HELZ: variants seen among roughly 807,000 people sequenced by gnomAD.
The protein encoded by HELZ is helicase with zinc finger.
In HELZ, 23 loss-of-function variants were observed where a neutral mutation model predicts 218.2. That is an observed-to-expected ratio of 0.11 (90% CI 0.08 to 0.15). The LOEUF (loss-of-function observed/expected upper bound fraction) is 0.15, where lower values mean the gene tolerates loss of function less well. Ranked by LOEUF, HELZ falls within the 10% of genes least tolerant of loss-of-function variation. The pLI is 1.00. For synonymous variants in HELZ, 814 were observed against 829.4 expected, an observed-to-expected ratio of 0.98 and a Z score of 0.32; for missense variants, 1,813 against 2,353.7, an observed-to-expected ratio of 0.77 and a Z score of 4.75.
chr17:67,089,610 T>A (rs1048282875), intron 31 of HELZ, among the ~76,000 whole-genome samples: 3 of 146,966 alleles, frequency 2.0e-5, no homozygotes, highest in Admixed American at 6.8e-5. Flanking sequence ...AACTGGAAAA[T>A]TTTTTAATGC....
At chr17:67,159,792 G>A (rs2038946204) in intron 17 of HELZ, among the ~76,000 whole-genome samples, 1 of 152,018 alleles carries the variant, frequency 6.6e-6, no homozygotes, top group South Asian at 2.1e-4. Flanking sequence ...ACATTTTGTT[G>A]CAGAAATCAT....
At chr17:67,110,077 T>G (rs548248211) in intron 28 of HELZ, among the ~76,000 whole-genome samples, 32 of 147,628 alleles carry the variant, frequency 2.2e-4, no homozygotes, top group African/African-American at 4.4e-4. Context: ...TTTTGTTTTG[T>G]TTTTTTTTGA....
intron 9 of HELZ, among the ~76,000 whole-genome samples, chr17:67,193,640 C>G (rs749231898): frequency 6.6e-6 from 1 of 151,912 alleles, no homozygotes; most frequent in Non-Finnish European, 1.5e-5. Flanking sequence ...CACTTAAAGC[C>G]GGGAGGCAGA....
intron 9 of HELZ, among the ~76,000 whole-genome samples, chr17:67,191,006 C>T (rs1253764037): frequency 6.6e-6 from 1 of 152,148 alleles, no homozygotes; most frequent in Non-Finnish European, 1.5e-5. Context: ...CCACGCCCAG[C>T]CAGAGTAGGA....
intron 31 of HELZ, among the ~76,000 whole-genome samples, chr17:67,095,295 G>C (rs1187081160): frequency 6.6e-6 from 1 of 152,190 alleles, no homozygotes; most frequent in Non-Finnish European, 1.5e-5. Flanking sequence ...AACTTTGGGA[G>C]GCCAAGGTGG....
intron 26 of HELZ, among the ~76,000 whole-genome samples, chr17:67,121,076 C>T (rs138111390): frequency 4.4e-4 from 67 of 152,252 alleles, no homozygotes; most frequent in African/African-American, 1.5e-3. Context: ...AACTGGTATT[C>T]CAACTTAATA....
intron 31 of HELZ, among the ~76,000 whole-genome samples, chr17:67,097,664 A>T (rs1481246237): frequency 6.6e-6 from 1 of 152,234 alleles, no homozygotes; most frequent in Non-Finnish European, 1.5e-5. Flanking sequence ...ATTTGGAGCT[A>T]CCTTGAATCT....
chr17:67,194,852 G>A (rs777736511), intron 8 of HELZ, among the ~76,000 whole-genome samples: 3 of 152,172 alleles, frequency 2.0e-5, no homozygotes, highest in Non-Finnish European at 4.4e-5. Context: ...CTAGCTGTGT[G>A]ACTTTAGGGC....
At position 67,070,465 on chromosome 17, in the gene HELZ, A is replaced by G. The variant is rs1271146096; in HGVS notation, c.*7787T>C. 6.6e-6 allele frequency: 1 copy of G among 152,252 alleles called. No individual in the cohort carries two copies. Among genetic ancestry groups the G allele is most frequent in the African/African-American group, 2.4e-5 (1 of 41,476 alleles). The allele number at this position is 152,252 out of a possible 1,614,324, so 9.4% of individuals were successfully genotyped here. A position where few individuals can be genotyped will look rare whatever the true frequency, so the allele number is the denominator to read the frequency against. On this transcript the variant is annotated 3_prime_UTR_variant, in exon 33 of 33. Transcript: ENST00000358691. ...CAAATTATTAAAAAGGCATTTTATTATAAATACATTTTAGTTGTAGCAGTA... is the reference window on the plus strand; with the variant it reads ...CAAATTATTAAAAAGGCATTTTATTGTAAATACATTTTAGTTGTAGCAGTA...
At chr17:67,168,110 T>C (rs2039203596) in intron 13 of HELZ, among the ~76,000 whole-genome samples, 11 of 152,010 alleles carry the variant, frequency 7.2e-5, no homozygotes, top group Admixed American at 7.2e-4. Flanking sequence ...GCCTCCCGAG[T>C]AGCTGGGATT....
At chr17:67,137,057 C>A (rs913007412) in intron 22 of HELZ, among the ~76,000 whole-genome samples, 1 of 152,108 alleles carries the variant, frequency 6.6e-6, no homozygotes, top group Non-Finnish European at 1.5e-5. Context: ...TTTGTTGAAG[C>A]AGTCATCCAG....
chr17:67,245,558 G>C (rs1413989682), upstream of HELZ: 9 of 979,364 alleles, frequency 9.2e-6, no homozygotes, highest in Non-Finnish European at 1.1e-5. Flanking sequence ...GGAGCTGCTC[G>C]CGGATTTATT....
Position 67,223,694 on chromosome 17 carries a change from G to A in HELZ, c.-18-4872C>T, listed in dbSNP as rs536823596. Among the ~76,000 whole-genome samples, 7 of 152,264 alleles carry A rather than the reference G, an allele frequency of 4.6e-5. No homozygotes were observed. The South Asian group carries it at 1.4e-3, about 32-fold the overall frequency. On this transcript the variant is annotated intron_variant, in intron 3 of 32. Transcript: ENST00000358691. Reference sequence around the variant, plus strand: ...TTGAACCCAGGAGGCGAAGGTTGCAGTGAGCTGAGATTGCGCCATTGCACT... The same window carrying A: ...TTGAACCCAGGAGGCGAAGGTTGCAATGAGCTGAGATTGCGCCATTGCACT...
rs750363514 is a variant in HELZ at position 67,203,452 on chromosome 17, A to G, written c.248-9T>C. On this transcript the variant is annotated splice_polypyrimidine_tract_variant and intron_variant, in intron 5 of 32. Transcript: ENST00000358691. The stretch of plus-strand genomic sequence containing the variant: ...CAGTCCTTCTCCCAGCACTGCCATG[A>G]AAGAACAGCCATCATTAACCATATG... 3.1e-6 allele frequency: 5 copies of G among 1,613,172 alleles called. No homozygotes were observed. The highest frequency in any genetic ancestry group is 2.5e-6 in the Non-Finnish European group (3 of 1,179,598).
chr17:67,174,606 C>T (rs1312020716), intron 13 of HELZ, among the ~76,000 whole-genome samples: 2 of 152,096 alleles, frequency 1.3e-5, no homozygotes, highest in East Asian at 1.9e-4. Flanking sequence ...CAAGACCAGC[C>T]TGGCCAACAT....
Position 67,138,039 on chromosome 17 carries a change from T to G in HELZ, c.2845A>C (p.Ser949Arg). The G allele has an allele frequency of 1.9e-6, 3 of 1,613,902 alleles. No homozygotes were observed. Among genetic ancestry groups the G allele is most frequent in the Non-Finnish European group, 8.5e-7 (1 of 1,179,848 alleles). ...GCATATGGAGTCACCACACCAATACTGCCATCATCTAACTTCCCCCACGCT... is the reference window on the plus strand; with the variant it reads ...GCATATGGAGTCACCACACCAATACGGCCATCATCTAACTTCCCCCACGCT... The part of the protein sequence containing the change: ...PVAWGKLDDG[S>R]IGVVTPYADQ... Residue 949 changes from serine (S) to arginine (R), a missense_variant, in exon 22 of 33, where the codon AGT (serine) becomes CGT (arginine). Ser to Arg is a moderately radical substitution (Grantham distance 110). Around this residue, in one of 4 missense-constraint regions of HELZ, gnomAD observed 156 missense variants for 274.4 expected, o/e 0.57. Transcript: ENST00000358691.
At position 67,224,796 on chromosome 17, in the gene HELZ, G is replaced by A. The variant is rs776391918; in HGVS notation, c.-18-5974C>T. On this transcript the variant is annotated intron_variant, in intron 3 of 32. Transcript: ENST00000358691. ...GTGGCAAGCACCAACCCCACAAAAC[G>A]ACACAGTACAAGGGCAAGGATTCTC... 1,152 of 1,176,410 alleles carry A rather than the reference G, an allele frequency of 9.8e-4. 1 individual carries two copies. The highest frequency in any genetic ancestry group is 1.5e-3 in the Admixed American group (86 of 57,388). The allele number at this position is 1,176,410 out of a possible 1,614,324, so 72.9% of individuals were successfully genotyped here.
intron 21 of HELZ, among the ~76,000 whole-genome samples, chr17:67,140,291 C>G (rs1242541793): frequency 6.6e-6 from 1 of 152,174 alleles, no homozygotes; most frequent in Non-Finnish European, 1.5e-5. Context: ...ATGTCCTCCC[C>G]CAACAACTGC....
Position 67,109,554 on chromosome 17 carries a change from C to A in HELZ, c.4051G>T (p.Ala1351Ser), listed in dbSNP as rs759956817. Reference protein sequence around the residue: ...HINLPLPAPHAQYAIPNRHFH... With the variant: ...HINLPLPAPHSQYAIPNRHFH... ...TGGCGATTAGGGATTGCATACTGTG[C>A]GTGGGGAGCAGGAAGGGGAAGATTT... The change falls in exon 29 of 33, where the codon GCA (alanine) becomes TCA (serine). Residue 1351 changes from alanine to serine, a missense_variant. This residue lies in a region of HELZ where 938 missense variants were observed against 1,027.5 expected (regional missense o/e 0.91). Coordinates refer to ENST00000358691, the MANE Select transcript of HELZ (RefSeq NM_014877.4). The A allele has an allele frequency of 2.5e-6, 4 of 1,613,864 alleles. No individual in the cohort carries two copies. In the Admixed American group the frequency reaches 5.0e-5, roughly 20 times the overall value.
Sources: gnomAD v4.1 joint callset for allele counts (sites outside exome capture counted in the v4.1 genomes callset) on GRCh38, gnomAD v4.1.1 for gene constraint, gnomAD v4.1.1 regional missense constraint, MANE v1.5 for transcripts, NCBI Gene and HGNC (gene_info 2026-07-23, HGNC 2026-07-21) for gene names.